GFRA1: variants seen among roughly 807,000 people sequenced by gnomAD.
The protein encoded by GFRA1 is GDNF family receptor alpha-1.
In GFRA1, 16 loss-of-function variants were observed where a neutral mutation model predicts 51.6. That is an observed-to-expected ratio of 0.31 (90% CI 0.21 to 0.47). GFRA1 has a LOEUF of 0.47. GFRA1 is among the 20% of genes least tolerant of loss of function. GFRA1 has a pLI of 1.00. For missense variants in GFRA1, 530 were observed against 594.3 expected, an observed-to-expected ratio of 0.89 and a Z score of 1.13; for synonymous variants, 270 against 241.3, an observed-to-expected ratio of 1.12 and a Z score of -1.10.
At chr10:116,211,389 GC>G (rs1168473666) in intron 5 of GFRA1, among the ~76,000 whole-genome samples, 1 of 152,128 alleles carries the variant, frequency 6.6e-6, no homozygotes, top group African/African-American at 2.4e-5. Context: ...AAGCGTCTCT[GC>G]CCAGCTGTCC....
chr10:116,229,392 T>C (rs908413062), intron 4 of GFRA1, among the ~76,000 whole-genome samples: 4 of 152,058 alleles, frequency 2.6e-5, no homozygotes, highest in Non-Finnish European at 5.9e-5. Context: ...CAAGTACAAA[T>C]TGCATCAAAG....
At chr10:116,071,371 A>G (rs1489129608) in intron 9 of GFRA1, among the ~76,000 whole-genome samples, 1 of 152,240 alleles carries the variant, frequency 6.6e-6, no homozygotes, top group African/African-American at 2.4e-5. Flanking sequence ...CAGGTTTCAG[A>G]AAGGCCCAGG....
upstream of GFRA1, chr10:116,273,334 G>T (rs1364178826): frequency 2.0e-5 from 3 of 152,010 alleles, no homozygotes; most frequent in Non-Finnish European, 4.4e-5. Flanking sequence ...ATCTTCGAGA[G>T]CTCGAAGGGC....
At chr10:116,139,252 TC>T (rs987064622) in intron 5 of GFRA1, among the ~76,000 whole-genome samples, 4 of 152,228 alleles carry the variant, frequency 2.6e-5, no homozygotes, top group Non-Finnish European at 5.9e-5. Flanking sequence ...CCTGAGCTTT[TC>T]ACACAAGCAT....
chr10:116,064,275 A>T lies in GFRA1; in HGVS notation c.*123T>A. 1 of 818,718 alleles carries T rather than the reference A, an allele frequency of 1.2e-6. No individual in the cohort carries two copies. Among genetic ancestry groups the T allele is most frequent in the African/African-American group, 1.7e-5 (1 of 57,614 alleles). 50.7% of individuals were successfully genotyped at this position (818,718 alleles called of 1,614,324 possible). A position where few individuals can be genotyped will look rare whatever the true frequency, so the allele number is the denominator to read the frequency against. ...TAAAAGGAAAAAAAAAAAATGTTCC[A>T]GTTGAATGGAACTGTTTCTCAACTG... On this transcript the variant is annotated 3_prime_UTR_variant, in exon 11 of 11. Coordinates refer to ENST00000355422, the MANE Select transcript of GFRA1 (RefSeq NM_005264.8).
intron 6 of GFRA1, among the ~76,000 whole-genome samples, chr10:116,114,967 G>A (rs1220953002): frequency 6.6e-6 from 1 of 152,144 alleles, no homozygotes; most frequent in Non-Finnish European, 1.5e-5. Context: ...GGTGTCATAA[G>A]AACTAACAAA....
chr10:116,151,536 T>G (rs986831957), intron 5 of GFRA1, among the ~76,000 whole-genome samples: 2 of 152,088 alleles, frequency 1.3e-5, no homozygotes, highest in African/African-American at 4.8e-5. Flanking sequence ...AAAATGGAAT[T>G]TAAGGAGAGA....
intron 5 of GFRA1, among the ~76,000 whole-genome samples, chr10:116,148,836 G>C (rs1011786397): frequency 2.0e-5 from 3 of 152,178 alleles, no homozygotes; most frequent in Non-Finnish European, 4.4e-5. Context: ...ATGAAGAGCT[G>C]GCTGAACTAA....
At chr10:116,167,638 C>G (rs1361911289) in intron 5 of GFRA1, among the ~76,000 whole-genome samples, 3 of 151,944 alleles carry the variant, frequency 2.0e-5, no homozygotes, top group African/African-American at 7.3e-5. Context: ...AAGACCAAAG[C>G]TCTCAGTTTT....
chr10:116,205,708 G>T (rs955310487), intron 5 of GFRA1, among the ~76,000 whole-genome samples: 2 of 150,928 alleles, frequency 1.3e-5, no homozygotes, highest in African/African-American at 4.9e-5. Flanking sequence ...TCCTGATAAG[G>T]AATTTTGAAA....
At chr10:116,167,218 C>T (rs1238931615) in intron 5 of GFRA1, among the ~76,000 whole-genome samples, 1 of 152,138 alleles carries the variant, frequency 6.6e-6, no homozygotes, top group Admixed American at 6.5e-5. Flanking sequence ...TCCTAATTTG[C>T]CAACGGCTCC....
At chr10:116,202,201 A>G (rs1964389941) in intron 5 of GFRA1, among the ~76,000 whole-genome samples, 1 of 152,188 alleles carries the variant, frequency 6.6e-6, no homozygotes, top group Non-Finnish European at 1.5e-5. Flanking sequence ...TAGACAGATC[A>G]TTCTGACAGT....
intron 4 of GFRA1, among the ~76,000 whole-genome samples, chr10:116,238,546 C>T (rs1428358121): frequency 6.6e-6 from 1 of 152,156 alleles, no homozygotes; most frequent in Non-Finnish European, 1.5e-5. Context: ...AGGGACTGAT[C>T]GGAAAATGCA....
At chr10:116,149,861 GA>G (rs1282149223) in intron 5 of GFRA1, among the ~76,000 whole-genome samples, 2 of 152,118 alleles carry the variant, frequency 1.3e-5, no homozygotes, top group Non-Finnish European at 2.9e-5. Context: ...TTTAAAGCTT[GA>G]AATCAGGGTA....
chr10:116,107,003 C>T lies in GFRA1; in HGVS notation c.771-10239G>A, dbSNP rs149661609. On this transcript the variant is annotated intron_variant, in intron 6 of 10. Transcript: ENST00000355422. ...GCCATGATTATAAGGTTCCTGAGGC[C>T]TCTGCAGAAGCTGAGCAAATGCCAG... is the stretch of plus-strand genomic sequence containing the variant. Among the ~76,000 whole-genome samples, 271 of 152,274 alleles carry T rather than the reference C, an allele frequency of 1.8e-3. 1 individual carries two copies. The highest frequency in any genetic ancestry group is 6.5e-3 in the African/African-American group (268 of 41,544).
chr10:116,072,298 C>T (rs1452593464), intron 9 of GFRA1, among the ~76,000 whole-genome samples: 1 of 152,140 alleles, frequency 6.6e-6, no homozygotes, highest in East Asian at 1.9e-4. Flanking sequence ...AAGCGAAGTC[C>T]ACTAGTGTGG....
In GFRA1 at chr10:116,096,661, G is replaced by GCCC. The variant is rs1956591705; in HGVS notation, c.871_873dup (p.Gly291dup). On this transcript the variant is annotated inframe_insertion, in exon 7 of 11. Coordinates refer to ENST00000355422, the MANE Select transcript of GFRA1 (RefSeq NM_005264.8). Reference sequence around the variant, plus strand: ...TGCTTCTCTCGGATCTTACCAATAAGCCCCGAGTAGGCGAGGAGGCAGTCA... The same window carrying GCCC: ...TGCTTCTCTCGGATCTTACCAATAAGCCCCCCCGAGTAGGCGAGGAGGCAGTCA... The GCCC allele has an allele frequency of 6.4e-7, 1 of 1,565,018 alleles. No homozygotes were observed. The highest frequency in any genetic ancestry group is 8.8e-7 in the Non-Finnish European group (1 of 1,135,974).
intron 4 of GFRA1, among the ~76,000 whole-genome samples, chr10:116,268,477 A>C (rs1969845039): frequency 6.6e-6 from 1 of 152,242 alleles, no homozygotes; most frequent in African/African-American, 2.4e-5. Flanking sequence ...GCTAGAACAC[A>C]GTAGGTGCTC....
At chr10:116,224,442 A>G (rs1966139274) in intron 4 of GFRA1, among the ~76,000 whole-genome samples, 1 of 152,256 alleles carries the variant, frequency 6.6e-6, no homozygotes, top group South Asian at 2.1e-4. Flanking sequence ...AAATAATACG[A>G]ATGTCCATCA....
Sources: allele counts gnomAD v4.1 joint callset (sites outside exome capture counted in the v4.1 genomes callset), GRCh38; gene constraint gnomAD v4.1.1; transcripts MANE v1.5; gene names NCBI Gene and HGNC (gene_info 2026-07-23, HGNC 2026-07-21).